Variants in IFT172 observed in about 807,000 individuals in gnomAD.
IFT172 encodes intraflagellar transport protein 172 homolog.
Under a neutral mutation model 248.9 loss-of-function variants are expected in IFT172, and 164 were observed. That is an observed-to-expected ratio of 0.66 (90% CI 0.58 to 0.75). The LOEUF (loss-of-function observed/expected upper bound fraction) is 0.75, where lower values mean the gene tolerates loss of function less well. Among genes scored for constraint, IFT172 ranks in the 30% least tolerant of loss-of-function variants. IFT172 has a pLI of 0.00. For missense variants in IFT172, 1,950 were observed against 2,192.4 expected, an observed-to-expected ratio of 0.89 and a Z score of 2.21; for synonymous variants, 729 against 791.6, an observed-to-expected ratio of 0.92 and a Z score of 1.33.
In IFT172 at chr2:27,453,390, C is replaced by G; in HGVS notation, c.3945G>C (p.Trp1315Cys). The G allele has an allele frequency of 6.2e-7, 1 of 1,614,196 alleles. No individual in the cohort carries two copies. The highest frequency in any genetic ancestry group is 8.5e-7 in the Non-Finnish European group (1 of 1,180,024). ...AAGGGCCTGCTGTCCTCACCTTCAT[C>G]CAGCACTTCTCCGCCAGGCCGCTGT... Reference protein sequence around the residue: ...SGNSGLAEKCWMKAAELSIKF... With the variant: ...SGNSGLAEKCCMKAAELSIKF... The change falls in exon 35 of 48, where the codon TGG becomes TGC. Residue 1315 changes from tryptophan (W) to cysteine (C), a missense_variant. Trp to Cys is a radical substitution (Grantham distance 215). Around this residue, in one of 3 missense-constraint regions of IFT172, gnomAD observed 620 missense variants for 699.0 expected, o/e 0.89. Coordinates refer to ENST00000260570, the MANE Select transcript of IFT172 (RefSeq NM_015662.3).
rs112803279 is a variant in IFT172, at chr2:27,488,936, G to C, written c.39+679C>G. On this transcript the variant is annotated intron_variant, in intron 1 of 47. Coordinates refer to ENST00000260570, the MANE Select transcript of IFT172 (RefSeq NM_015662.3). ...GCACGTCTGTAATCCCAGCTACTTG[G>C]GAGGCTATGGCAGGAAAATCCCTTG... Among the ~76,000 whole-genome samples, 1,262 of 152,334 alleles carry C rather than the reference G, an allele frequency of 8.3e-3. 26 individuals are homozygous for C. The highest frequency in any genetic ancestry group is 9.1e-3 in the Non-Finnish European group (616 of 68,026).
intron 35 of IFT172, among the ~76,000 whole-genome samples, chr2:27,450,881 T>G (rs1665607378): frequency 6.6e-6 from 1 of 152,022 alleles, no homozygotes; most frequent in Non-Finnish European, 1.5e-5. Context: ...CATGTACCAC[T>G]GCGCCCAGAT....
At chr2:27,474,657 T>C (rs1667834627) in intron 14 of IFT172, among the ~76,000 whole-genome samples, 1 of 152,156 alleles carries the variant, frequency 6.6e-6, no homozygotes, top group Non-Finnish European at 1.5e-5. Flanking sequence ...GTTCAAGTGA[T>C]TCTCCTGCCT....
intron 42 of IFT172, among the ~76,000 whole-genome samples, 156 bp downstream of exon 42, chr2:27,447,359 G>A (rs1295925370): frequency 6.6e-6 from 1 of 152,230 alleles, no homozygotes; most frequent in African/African-American, 2.4e-5. Context: ...ACCTCAGCAA[G>A]GGCTAAAGAT....
intron 15 of IFT172, chr2:27,471,840 C>A (rs1209561128): frequency 8.5e-6 from 2 of 234,626 alleles, no homozygotes; most frequent in Admixed American, 5.3e-5. Context: ...GAGTTCGAGA[C>A]CAGCCTGGCC....
rs757428770 is a variant in IFT172, at chr2:27,444,382, T to C, written c.*50A>G. On this transcript the variant is annotated 3_prime_UTR_variant, in exon 48 of 48. Coordinates refer to ENST00000260570, the MANE Select transcript of IFT172 (RefSeq NM_015662.3). ...AAAGAATACAGTGGTCTCAATTATT[T>C]ATAAAACTTTAATGAGGGAGAGGCC... 2 of 1,197,242 alleles carry C rather than the reference T, an allele frequency of 1.7e-6. No homozygotes were observed. The highest frequency in any genetic ancestry group is 2.4e-6 in the Non-Finnish European group (2 of 818,522). The allele number at this position is 1,197,242 out of a possible 1,614,324, so 74.2% of individuals were successfully genotyped here.
At chr2:27,455,295 T>G in intron 30 of IFT172, 1 of 334,424 alleles carries the variant, frequency 3.0e-6, no homozygotes, top group Non-Finnish European at 5.7e-6. Flanking sequence ...TATGGTAAAT[T>G]GGCGATTTTG....
Position 27,481,231 on chromosome 2 carries a change from G to A in IFT172, c.600C>T (p.Pro200=), listed in dbSNP as rs376574007. 2.5e-6 allele frequency: 4 copies of A among 1,611,990 alleles called. No individual in the cohort carries two copies. The African/African-American group carries it at 4.0e-5, about 16-fold the overall frequency. The change falls in exon 8 of 48, where the codon CCC becomes CCT. Residue 200 remains proline (P), a synonymous_variant. Coordinates refer to ENST00000260570, the MANE Select transcript of IFT172 (RefSeq NM_015662.3). The stretch of plus-strand genomic sequence containing the variant: ...TATTGGTTGCCCATGCCAAGGCATA[G>A]GGTGGACACGGGTGGTTAACCAACT... The part of the protein sequence containing the change: ...QGKLVNHPCP[P]YALAWATNSI...
intron 16 of IFT172, chr2:27,470,718 G>A (rs1667500761): frequency 2.3e-6 from 1 of 436,474 alleles, no homozygotes; most frequent in Non-Finnish European, 3.9e-6. Context: ...CCACTGTAAT[G>A]AACCCATACT....
rs768190150 is a variant in IFT172 at position 27,461,877 on chromosome 2, T to C, written c.2116-41A>G. ...AGAGCAGAGAGGGACACCAGAAAGATATGAGGATCAGAAAGCAGCAAGCTC... is the reference window on the plus strand; with the variant it reads ...AGAGCAGAGAGGGACACCAGAAAGACATGAGGATCAGAAAGCAGCAAGCTC... On this transcript the variant is annotated intron_variant, in intron 20 of 47. Transcript: ENST00000260570. 5.0e-6 allele frequency: 8 copies of C among 1,610,744 alleles called. No homozygotes were observed. In the Admixed American group the frequency reaches 6.7e-5, roughly 13 times the overall value.
chr2:27,478,012 T>C lies in IFT172; in HGVS notation c.1150A>G (p.Thr384Ala), dbSNP rs1019036585. 1.9e-6 allele frequency: 3 copies of C among 1,614,166 alleles called. No homozygotes were observed. Among genetic ancestry groups the C allele is most frequent in the South Asian group, 1.1e-5 (1 of 91,088 alleles). The change falls in exon 11 of 48, where the codon ACT becomes GCT. Residue 384 changes from threonine to alanine, a missense_variant. Physicochemically the swap from Thr to Ala is moderately conservative, Grantham distance 58. Transcript: ENST00000260570. ...GTTCCTACCTCACTAAGCCGATTAG[T>C]GTTCAGGTCCCCCAGCAGCAGTGTT... is the stretch of plus-strand genomic sequence containing the variant. The part of the protein sequence containing the change: ...SETLLLGDLN[T>A]NRLSEIAWQG...
intron 23 of IFT172, 53 bp downstream of exon 23, chr2:27,460,962 C>T (rs997641844): frequency 4.5e-5 from 72 of 1,610,306 alleles, no homozygotes; most frequent in South Asian, 1.8e-4. Flanking sequence ...TGCCAGGGAA[C>T]CAGATGGGCA....
chr2:27,455,430 C>T lies in IFT172; in HGVS notation c.3372-770G>A, dbSNP rs111452236. 1.7e-3 allele frequency: 406 copies of T among 241,818 alleles called. 1 individual carries two copies. The highest frequency in any genetic ancestry group is 8.7e-3 in the African/African-American group (371 of 42,580). The allele number at this position is 241,818 out of a possible 1,614,324, so 15.0% of individuals were successfully genotyped here. On this transcript the variant is annotated intron_variant, in intron 30 of 47. Coordinates refer to ENST00000260570, the MANE Select transcript of IFT172 (RefSeq NM_015662.3). ...GATCTAGAAAAATGGCAGAATATGCCGGGCGCGGTGGCTCACGCCTGTAAT... is the reference window on the plus strand; with the variant it reads ...GATCTAGAAAAATGGCAGAATATGCTGGGCGCGGTGGCTCACGCCTGTAAT...
rs1230883568 is a variant in IFT172 at position 27,449,994 on chromosome 2, T to C, written c.4050+4A>G. ...TTTCTGTTCCATCTCAGCATCCTACTTACTGCACTGTGCTTTCCAATTCCA... is the reference window on the plus strand; with the variant it reads ...TTTCTGTTCCATCTCAGCATCCTACCTACTGCACTGTGCTTTCCAATTCCA... On this transcript the variant is annotated splice_donor_region_variant and intron_variant, in intron 36 of 47. Transcript: ENST00000260570. The C allele has an allele frequency of 1.9e-6, 3 of 1,608,016 alleles. No individual in the cohort carries two copies. Among genetic ancestry groups the C allele is most frequent in the Non-Finnish European group, 2.6e-6 (3 of 1,174,606 alleles).
intron 15 of IFT172, 47 bp from the exon 16 acceptor site, chr2:27,471,142 T>C: frequency 6.3e-7 from 1 of 1,582,806 alleles, no homozygotes; most frequent in Non-Finnish European, 8.6e-7. Flanking sequence ...GGATGTGGGG[T>C]TGTCTCCTGC....
At chr2:27,461,610 C>A in intron 21 of IFT172, 93 bp from the exon 22 acceptor site, 1 of 1,528,280 alleles carries the variant, frequency 6.5e-7, no homozygotes. Context: ...CAAGGGGAAT[C>A]CTCCTGGGTC....
chr2:27,467,820 G>A lies in IFT172; in HGVS notation c.1693-1938C>T, dbSNP rs1032209401. Among the ~76,000 whole-genome samples, 6 of 151,982 alleles carry A rather than the reference G, an allele frequency of 3.9e-5. 1 individual carries two copies. Among genetic ancestry groups the A allele is most frequent in the Admixed American group, 3.9e-4 (6 of 15,234 alleles). On this transcript the variant is annotated intron_variant, in intron 16 of 47. Transcript: ENST00000260570. ...ACTTCCAAGAGTGATGAAAATATGT[G>A]TATTCATAAACACAGGAAACACAAT...
At chr2:27,484,709 G>C (rs1331612549) in intron 3 of IFT172, among the ~76,000 whole-genome samples, 1 of 152,148 alleles carries the variant, frequency 6.6e-6, no homozygotes, top group Non-Finnish European at 1.5e-5. Context: ...CTACTCTGTA[G>C]GAGCCCTGAA....
rs1422318326 is a variant in IFT172, at chr2:27,470,910, C to A, written c.1692+18G>T. On this transcript the variant is annotated intron_variant, in intron 16 of 47. Transcript: ENST00000260570. ...TCAGCTCAATACCACATCTGAGGGCCCCTAGTGTCCAACATACCCTAATAG... is the reference window on the plus strand; with the variant it reads ...TCAGCTCAATACCACATCTGAGGGCACCTAGTGTCCAACATACCCTAATAG... 2.6e-6 allele frequency: 4 copies of A among 1,566,844 alleles called. No homozygotes were observed. The highest frequency in any genetic ancestry group is 3.4e-6 in the Non-Finnish European group (4 of 1,160,066).
Sources: allele counts gnomAD v4.1 joint callset (sites outside exome capture counted in the v4.1 genomes callset), GRCh38; gene constraint gnomAD v4.1.1; regional missense constraint gnomAD v4.1.1; transcripts MANE v1.5; gene names NCBI Gene and HGNC (gene_info 2026-07-23, HGNC 2026-07-21).